The following HEMK2 variants were observed in gnomAD, a reference collection of about 807,000 sequenced individuals.
The protein encoded by HEMK2 is methyltransferase HEMK2.
chr21:28,850,592 CTT>C, the HEMK2 span, among the ~76,000 whole-genome samples: 1 of 152,100 alleles, frequency 6.6e-6, no homozygotes, highest in Non-Finnish European at 1.5e-5. Context: ...GAAATAAACT[CTT>C]TTTCAAATAA....
chr21:28,612,347 T>C, the HEMK2 span, among the ~76,000 whole-genome samples: 4 of 151,756 alleles, frequency 2.6e-5, no homozygotes, highest in African/African-American at 7.3e-5. Context: ...ATCATGTCAA[T>C]AGATGCAAAA....
the HEMK2 span, among the ~76,000 whole-genome samples, chr21:28,877,148 GAGAGAA>G: frequency 4.1e-5 from 5 of 121,824 alleles, no homozygotes; most frequent in Non-Finnish European, 8.3e-5. Context: ...AGAAGAGAGA[GAGAGAA>G]AGAAAGAGAA....
At chr21:28,657,717 T>C in the HEMK2 span, among the ~76,000 whole-genome samples, 1 of 152,078 alleles carries the variant, frequency 6.6e-6, no homozygotes, top group Non-Finnish European at 1.5e-5. Flanking sequence ...TCCATACTTA[T>C]GATATAATCC....
At chr21:28,751,803 T>C in the HEMK2 span, among the ~76,000 whole-genome samples, 29,425 of 152,048 alleles carry the variant, frequency 0.19, 3,552 homozygotes, top group African/African-American at 0.34. Context: ...CCTCAGCCTC[T>C]TGAGTAGCTG....
the HEMK2 span, among the ~76,000 whole-genome samples, chr21:28,580,649 T>G: frequency 8.1e-4 from 123 of 151,696 alleles, no homozygotes; most frequent in Non-Finnish European, 1.4e-3. Context: ...GCCTGCAAAA[T>G]TAATGAAAAG....
chr21:28,639,035 C>T, the HEMK2 span, among the ~76,000 whole-genome samples: 3 of 152,228 alleles, frequency 2.0e-5, no homozygotes, highest in South Asian at 2.1e-4. Flanking sequence ...TACCAAACTG[C>T]TACAGAGAAG....
At chr21:28,688,409 T>C in the HEMK2 span, among the ~76,000 whole-genome samples, 1 of 152,208 alleles carries the variant, frequency 6.6e-6, no homozygotes, top group Non-Finnish European at 1.5e-5. Context: ...CAAAAATGCA[T>C]TAACTTTTAT....
the HEMK2 span, among the ~76,000 whole-genome samples, chr21:28,824,666 TAGAG>T: frequency 2.0e-5 from 3 of 152,120 alleles, no homozygotes; most frequent in Non-Finnish European, 2.9e-5. Context: ...GAGAGAGAGA[TAGAG>T]AGTCTTTGAA....
the HEMK2 span, among the ~76,000 whole-genome samples, chr21:28,617,426 C>T: frequency 6.6e-6 from 1 of 152,210 alleles, no homozygotes; most frequent in African/African-American, 2.4e-5. Context: ...TTAATGGTGT[C>T]AGTATCAAAT....
At chr21:28,880,549 C>A in the HEMK2 span, among the ~76,000 whole-genome samples, 1 of 152,036 alleles carries the variant, frequency 6.6e-6, no homozygotes, top group Non-Finnish European at 1.5e-5. Context: ...CTCGCCAACC[C>A]ATGGCCAACA....
chr21:28,752,874 C>T, the HEMK2 span, among the ~76,000 whole-genome samples: 24,374 of 152,198 alleles, frequency 0.16, 2,217 homozygotes, highest in East Asian at 0.25. Flanking sequence ...CAGAGGGCCA[C>T]GGCAGAGGCC....
the HEMK2 span, among the ~76,000 whole-genome samples, chr21:28,815,186 C>A: frequency 7.2e-6 from 1 of 139,670 alleles, no homozygotes; most frequent in Admixed American, 8.0e-5. Context: ...ACAATGAGAA[C>A]ACATGGACAC....
the HEMK2 span, among the ~76,000 whole-genome samples, chr21:28,631,657 T>C: frequency 6.6e-6 from 1 of 152,170 alleles, no homozygotes; most frequent in Non-Finnish European, 1.5e-5. Context: ...TGACAGACTT[T>C]TTATGTCAAG....
the HEMK2 span, among the ~76,000 whole-genome samples, chr21:28,849,859 T>C: frequency 6.6e-5 from 10 of 152,188 alleles, no homozygotes; most frequent in African/African-American, 1.9e-4. Flanking sequence ...CCAACAAATA[T>C]GGGATTATGT....
the HEMK2 span, among the ~76,000 whole-genome samples, chr21:28,825,500 A>C: frequency 4.1e-4 from 63 of 152,340 alleles, 1 homozygote; most frequent in East Asian, 0.012. Flanking sequence ...GACTCAAAGC[A>C]CTGAGCAAAT....
chr21:28,691,936 T>G, the HEMK2 span, among the ~76,000 whole-genome samples: 2 of 152,170 alleles, frequency 1.3e-5, no homozygotes, highest in African/African-American at 4.8e-5. Context: ...GTTTATTGGC[T>G]CTCTCCAAAT....
the HEMK2 span, among the ~76,000 whole-genome samples, chr21:28,721,361 C>T: frequency 2.6e-5 from 4 of 152,140 alleles, no homozygotes; most frequent in South Asian, 4.1e-4. Flanking sequence ...GGTATCCTCC[C>T]ACATCAGCCT....
chr21:28,869,946 A>C, the HEMK2 span, among the ~76,000 whole-genome samples: 1 of 152,202 alleles, frequency 6.6e-6, no homozygotes, highest in Non-Finnish European at 1.5e-5. Context: ...GAACACTGCC[A>C]GTCCCTTTAT....
chr21:28,809,088 G>T, the HEMK2 span, among the ~76,000 whole-genome samples: 1 of 152,100 alleles, frequency 6.6e-6, no homozygotes, highest in Non-Finnish European at 1.5e-5. Context: ...GCTCTATAGA[G>T]GTGACATATT....
Sources: allele counts gnomAD v4.1 joint callset (sites outside exome capture counted in the v4.1 genomes callset), GRCh38; gene constraint gnomAD v4.1.1; transcripts MANE v1.5; gene names NCBI Gene and HGNC (gene_info 2026-07-23, HGNC 2026-07-21).